The following TRIM58 variants were observed in gnomAD, a reference collection of about 807,000 sequenced individuals.
The protein encoded by TRIM58 is E3 ubiquitin-protein ligase TRIM58.
TRIM58 carries 38 observed loss-of-function variants against 34.1 expected under a neutral mutation model. The ratio of observed to expected loss-of-function variants is 1.12; its 90% CI spans 0.86 to 1.46. TRIM58 has a LOEUF of 1.46. Among genes scored for constraint, TRIM58 ranks in the 40% most tolerant of loss-of-function variants. The pLI is 0.00. For synonymous variants in TRIM58, 273 were observed against 275.7 expected, an observed-to-expected ratio of 0.99 and a Z score of 0.10; for missense variants, 677 against 642.0, an observed-to-expected ratio of 1.05 and a Z score of -0.59.
chr1:247,859,793 T>C (rs553048337), intron 1 of TRIM58, among the ~76,000 whole-genome samples: 2 of 151,954 alleles, frequency 1.3e-5, no homozygotes, highest in East Asian at 3.9e-4. Context: ...TATATAAATA[T>C]AGAGAAATGT....
In TRIM58 at chr1:247,857,593, G is replaced by A. The variant is rs972308273; in HGVS notation, c.347G>A (p.Trp116Ter). 2.4e-6 allele frequency: 3 copies of A among 1,263,394 alleles called. No homozygotes were observed. The highest frequency in any genetic ancestry group is 3.0e-4 in the Middle Eastern group (1 of 3,302). 78.3% of individuals were successfully genotyped at this position (1,263,394 alleles called of 1,614,324 possible). The change falls in exon 1 of 6, where the codon TGG becomes TAG. Residue 116 changes from tryptophan (W) to a stop codon, truncating the protein, a stop_gained. Transcript: ENST00000366481. LOFTEE classifies it high-confidence loss of function. ...GAGGAGGACGAGGCGGCGCTGTGCT[G>A]GGTGTGCGACGCCGGCCCCGAGCAC... ...FCEEDEAALC[W>*]VCDAGPEHRT...
At chr1:247,862,930 C>A (rs58997578) in intron 2 of TRIM58, among the ~76,000 whole-genome samples, 6,559 of 152,204 alleles carry the variant, frequency 0.043, 247 homozygotes, top group East Asian at 0.21. Flanking sequence ...CACCTCACAC[C>A]CCCTCGTGCC....
At chr1:247,874,285 C>T (rs750793090) in intron 5 of TRIM58, among the ~76,000 whole-genome samples, 3 of 152,182 alleles carry the variant, frequency 2.0e-5, no homozygotes, top group Non-Finnish European at 4.4e-5. Flanking sequence ...GCCAGCGTAT[C>T]ACATGGCAAG....
intron 2 of TRIM58, 35 bp from the exon 3 acceptor site, chr1:247,864,670 A>G (rs751839503): frequency 6.2e-7 from 1 of 1,607,054 alleles, no homozygotes; most frequent in South Asian, 1.1e-5. Flanking sequence ...GCTGGAGGCC[A>G]AGCACTGACG....
intron 3 of TRIM58, among the ~76,000 whole-genome samples, chr1:247,866,436 G>T (rs1663927658): frequency 6.6e-6 from 1 of 152,094 alleles, no homozygotes; most frequent in Non-Finnish European, 1.5e-5. Context: ...GCCCACTTTG[G>T]CCTCCCAAAG....
At chr1:247,859,430 TA>T (rs1663726964) in intron 1 of TRIM58, among the ~76,000 whole-genome samples, 1 of 152,164 alleles carries the variant, frequency 6.6e-6, no homozygotes, top group Non-Finnish European at 1.5e-5. Flanking sequence ...ATTCTCCTTT[TA>T]AAAACAATTG....
chr1:247,876,901 C>T lies in TRIM58; in HGVS notation c.*412C>T, dbSNP rs1659303999. 1 of 168,488 alleles carries T rather than the reference C, an allele frequency of 5.9e-6. No homozygotes were observed. The highest frequency in any genetic ancestry group is 1.3e-5 in the Non-Finnish European group (1 of 78,264). 10.4% of individuals were successfully genotyped at this position (168,488 alleles called of 1,614,324 possible). ...TCTGATACTATTCCAGTATCACCTCCTTAATTCTGTTTCTCCTCGTTTTCC... is the reference window on the plus strand; with the variant it reads ...TCTGATACTATTCCAGTATCACCTCTTTAATTCTGTTTCTCCTCGTTTTCC... On this transcript the variant is annotated 3_prime_UTR_variant, in exon 6 of 6. Transcript: ENST00000366481.
rs761286392 is a variant in TRIM58, at chr1:247,868,029, C to T, written c.837C>T (p.Ile279=). Residue 279 remains isoleucine (I), a synonymous_variant, in exon 5 of 6, where the codon ATC becomes ATT. Transcript: ENST00000366481. ...TGGAACTGAAGACAGCATGCTGCAT[C>T]CCTGGGAGGAGGGAGCTCTTAAGGA... ...IPMELKTACC[I]PGRRELLRKF... is the part of the protein sequence containing the mutation. 1 of 1,611,098 alleles carries T rather than the reference C, an allele frequency of 6.2e-7. No individual in the cohort carries two copies. Among genetic ancestry groups the T allele is most frequent in the South Asian group, 1.1e-5 (1 of 90,462 alleles).
intron 5 of TRIM58, among the ~76,000 whole-genome samples, chr1:247,871,579 A>G (rs1284853432): frequency 6.6e-6 from 1 of 151,722 alleles, no homozygotes; most frequent in East Asian, 1.9e-4. Context: ...TCTGCAGCAT[A>G]GTACCCACGT....
chr1:247,876,673 G>A lies in TRIM58; in HGVS notation c.*184G>A. The stretch of plus-strand genomic sequence containing the variant: ...TATTTGCATATGGGAAGATTATAGA[G>A]CATAATAATTTTGTAAATGGAGCAA... On this transcript the variant is annotated 3_prime_UTR_variant, in exon 6 of 6. Coordinates refer to ENST00000366481, the MANE Select transcript of TRIM58 (RefSeq NM_015431.4). 5.2e-6 allele frequency: 3 copies of A among 578,090 alleles called. No individual in the cohort carries two copies. Among genetic ancestry groups the A allele is most frequent in the Non-Finnish European group, 9.1e-6 (3 of 331,058 alleles). The allele number at this position is 578,090 out of a possible 1,614,324, so 35.8% of individuals were successfully genotyped here.
rs763491622 is a variant in TRIM58 at position 247,864,727 on chromosome 1, A to G, written c.539A>G (p.Gln180Arg). The change falls in exon 3 of 6, where the codon CAG (glutamine) becomes CGG (arginine). Residue 180 changes from glutamine to arginine, a missense_variant. Transcript: ENST00000366481. ...CAGGAGAAAGTGGAAATGCAGAGGC[A>G]GCGCTTCAGATTGGAGTTTGAGAAG... ...IWKEKVEMQR[Q>R]RFRLEFEKHR... 6.2e-7 allele frequency: 1 copy of G among 1,614,170 alleles called. No homozygotes were observed. Among genetic ancestry groups the G allele is most frequent in the East Asian group, 2.2e-5 (1 of 44,864 alleles).
intron 1 of TRIM58, among the ~76,000 whole-genome samples, chr1:247,860,388 G>A (rs1183986585): frequency 6.6e-6 from 1 of 151,192 alleles, no homozygotes; most frequent in Non-Finnish European, 1.5e-5. Flanking sequence ...TTGATCCCAG[G>A]AGTTTGAGGC....
At position 247,876,407 on chromosome 1, in the gene TRIM58, C is replaced by A. The variant is rs767071685; in HGVS notation, c.1379C>A (p.Pro460His). ...ICDATPLILP[P>H]TTIAGSGNWA... The stretch of plus-strand genomic sequence containing the variant: ...GATGCAACTCCTCTTATCTTGCCAC[C>A]CACAACAATAGCAGGGTCAGGAAAT... Residue 460 changes from proline (P) to histidine (H), a missense_variant, in exon 6 of 6, where the codon CCC becomes CAC. Pro to His is a moderately conservative substitution (Grantham distance 77). Coordinates refer to ENST00000366481, the MANE Select transcript of TRIM58 (RefSeq NM_015431.4). The A allele has an allele frequency of 1.2e-6, 2 of 1,614,158 alleles. No individual in the cohort carries two copies. Among genetic ancestry groups the A allele is most frequent in the South Asian group, 1.1e-5 (1 of 91,084 alleles).
At chr1:247,863,901 C>G (rs1663856510) in intron 2 of TRIM58, among the ~76,000 whole-genome samples, 1 of 152,146 alleles carries the variant, frequency 6.6e-6, no homozygotes, top group Non-Finnish European at 1.5e-5. Context: ...TCTTTCTTGG[C>G]TTTGTAGAGA....
chr1:247,860,535 G>A, intron 1 of TRIM58, 82 bp from the exon 2 acceptor site: 1 of 943,152 alleles, frequency 1.1e-6, no homozygotes, highest in Middle Eastern at 2.2e-4. Context: ...TGTTTAAGTT[G>A]ACTTTTGTAT....
rs758282690 is a variant in TRIM58, at chr1:247,876,367, T to TAA, written c.1340_1341insAA (p.Tyr447Ter). The TAA allele has an allele frequency of 1.2e-6, 2 of 1,614,220 alleles. No homozygotes were observed. The highest frequency in any genetic ancestry group is 1.7e-6 in the Non-Finnish European group (2 of 1,180,038). ...ACTCTTCTCTGGTCTTCTTCGGCCT[T>TAA]ACTTTTTCATCTGTGATGCAACTCC... ...NQLFSGLLRP[Y>*]FFICDATPLI... Residue 447 changes from tyrosine to a stop codon, truncating the protein, a stop_gained and frameshift_variant, in exon 6 of 6, where the codon TAC (tyrosine) becomes TAAAC (stop). Transcript: ENST00000366481. LOFTEE classifies it low-confidence loss of function (END_TRUNC).
chr1:247,871,174 T>G (rs1377486896), intron 5 of TRIM58, among the ~76,000 whole-genome samples: 1 of 152,234 alleles, frequency 6.6e-6, no homozygotes, highest in Non-Finnish European at 1.5e-5. Context: ...ATTTCCTTGC[T>G]TATAAAATGC....
chr1:247,879,799 C>T lies in TRIM58; in HGVS notation c.*3310C>T, dbSNP rs1659370430. ...CCTTGACTCATTATTCCCTTTCTTC[C>T]TTAACTCTTCTGAGATCCAGCTTCT... On this transcript the variant is annotated 3_prime_UTR_variant, in exon 6 of 6. Coordinates refer to ENST00000366481, the MANE Select transcript of TRIM58 (RefSeq NM_015431.4). Among the ~76,000 whole-genome samples the T allele has an allele frequency of 6.6e-6, 1 of 151,506 alleles. No individual in the cohort carries two copies. Among genetic ancestry groups the T allele is most frequent in the African/African-American group, 2.4e-5 (1 of 41,210 alleles).
Position 247,872,182 on chromosome 1 carries a change from G to A in TRIM58, c.872-3718G>A, listed in dbSNP as rs575487401. ...AGGACATAGTTGAAAGTTGTACCTA[G>A]AAAAATAGTTTGATTGGACTAATGT... On this transcript the variant is annotated intron_variant, in intron 5 of 5. Transcript: ENST00000366481. Among the ~76,000 whole-genome samples the A allele has an allele frequency of 9.7e-4, 148 of 152,340 alleles. 1 individual carries two copies. The highest frequency in any genetic ancestry group is 3.3e-3 in the African/African-American group (139 of 41,586).
Sources: gnomAD v4.1 joint callset for allele counts (sites outside exome capture counted in the v4.1 genomes callset) on GRCh38, gnomAD v4.1.1 for gene constraint, MANE v1.5 for transcripts, NCBI Gene and HGNC (gene_info 2026-07-23, HGNC 2026-07-21) for gene names.